The following NLGN4X variants were observed in gnomAD, a reference collection of about 807,000 sequenced individuals.
The protein encoded by NLGN4X is neuroligin-4, X-linked.
In NLGN4X, 3 loss-of-function variants were observed where a neutral mutation model predicts 40.3. That is an observed-to-expected ratio of 0.07 (90% CI 0.03 to 0.19). The LOEUF (loss-of-function observed/expected upper bound fraction) is 0.19. Ranked by LOEUF, NLGN4X falls within the 10% of genes least tolerant of loss-of-function variation. The pLI, the probability that NLGN4X is intolerant of heterozygous loss-of-function variation, is 1.00. For synonymous variants in NLGN4X, 270 were observed against 306.8 expected, an observed-to-expected ratio of 0.88 and a Z score of 1.25; for missense variants, 382 against 708.3, an observed-to-expected ratio of 0.54 and a Z score of 5.23.
intron 2 of NLGN4X, among the ~76,000 whole-genome samples, chrX:6,083,795 G>A (rs2038430368): frequency 8.9e-6 from 1 of 112,195 alleles, no homozygotes; most frequent in Non-Finnish European, 1.9e-5. Context: ...TTTAGAGGAA[G>A]AGCATCTCTT....
At chrX:6,181,953 G>A (rs745474663) in intron 1 of NLGN4X, among the ~76,000 whole-genome samples, 1 of 111,749 alleles carries the variant, frequency 8.9e-6, no homozygotes. Flanking sequence ...TGATTATAGA[G>A]GGGGAGCAGG....
intron 2 of NLGN4X, among the ~76,000 whole-genome samples, chrX:6,150,245 GACATAAA>G (rs1033602368): frequency 1.8e-5 from 2 of 111,985 alleles, no homozygotes; most frequent in African/African-American, 6.5e-5. Flanking sequence ...AATCTATACA[GACATAAA>G]ACTATTCATG....
chrX:6,123,505 C>A (rs903015743), intron 2 of NLGN4X, among the ~76,000 whole-genome samples: 1 of 111,393 alleles, frequency 9.0e-6, no homozygotes, highest in Non-Finnish European at 1.9e-5. Flanking sequence ...TCCGAAGAAA[C>A]AATGATCTAA....
intron 1 of NLGN4X, among the ~76,000 whole-genome samples, chrX:6,161,641 ATAT>A (rs2040402912): frequency 9.3e-6 from 1 of 107,861 alleles, no homozygotes; most frequent in Non-Finnish European, 1.9e-5. Context: ...GATAAAAGAA[ATAT>A]TATATTTAGG....
intron 2 of NLGN4X, among the ~76,000 whole-genome samples, chrX:6,081,504 C>T (rs2038349049): frequency 8.9e-6 from 1 of 112,428 alleles, no homozygotes; most frequent in Non-Finnish European, 1.9e-5. Context: ...CTGGTAAAGG[C>T]AAAGCATCAG....
At chrX:6,092,796 T>A (rs190191781) in intron 2 of NLGN4X, among the ~76,000 whole-genome samples, 1 of 111,088 alleles carries the variant, frequency 9.0e-6, no homozygotes, top group East Asian at 2.8e-4. Flanking sequence ...CTAAAGAGAT[T>A]AGACACAGAA....
At chrX:6,173,078 C>T (rs2040643564) in intron 1 of NLGN4X, among the ~76,000 whole-genome samples, 2 of 112,288 alleles carry the variant, frequency 1.8e-5, no homozygotes, top group East Asian at 5.6e-4. Context: ...TGGGCTCTCG[C>T]CCCCACTCCA....
At chrX:6,192,463 T>C (rs1922629802) in intron 1 of NLGN4X, among the ~76,000 whole-genome samples, 1 of 111,510 alleles carries the variant, frequency 9.0e-6, no homozygotes, top group Non-Finnish European at 1.9e-5. Flanking sequence ...GTTAGGTATT[T>C]TATTACCCAT....
At chrX:5,948,689 T>C (rs2034212188) in intron 3 of NLGN4X, among the ~76,000 whole-genome samples, 1 of 112,162 alleles carries the variant, frequency 8.9e-6, no homozygotes. Flanking sequence ...TAGGTTTCTG[T>C]TGAAACAGAA....
At chrX:6,057,857 C>T (rs1229280082) in intron 2 of NLGN4X, among the ~76,000 whole-genome samples, 1 of 111,534 alleles carries the variant, frequency 9.0e-6, no homozygotes, top group Non-Finnish European at 1.9e-5. Flanking sequence ...AATGAAAATA[C>T]AATCAGGTGA....
chrX:6,076,635 A>G (rs1335793111), intron 2 of NLGN4X, among the ~76,000 whole-genome samples: 1 of 112,240 alleles, frequency 8.9e-6, no homozygotes, highest in Admixed American at 9.4e-5. Flanking sequence ...AGAGTTGTGG[A>G]CTTCCCTTCA....
chrX:6,150,183 C>A (rs746540831), intron 2 of NLGN4X, among the ~76,000 whole-genome samples: 1 of 111,678 alleles, frequency 9.0e-6, no homozygotes, highest in South Asian at 3.7e-4. Flanking sequence ...AAATGTGATA[C>A]CATTATGGCA....
intron 2 of NLGN4X, among the ~76,000 whole-genome samples, chrX:6,058,871 G>A (rs2037699887): frequency 8.9e-6 from 1 of 111,894 alleles, no homozygotes; most frequent in African/African-American, 3.2e-5. Context: ...GATTTAATAT[G>A]ATGGATGTGT....
At chrX:6,190,405 A>G (rs1922439659) in intron 1 of NLGN4X, among the ~76,000 whole-genome samples, 1 of 112,298 alleles carries the variant, frequency 8.9e-6, no homozygotes. Flanking sequence ...CAACATTCAA[A>G]TTGATAAGAA....
At chrX:5,948,612 T>G (rs956540561) in intron 3 of NLGN4X, among the ~76,000 whole-genome samples, 2 of 111,892 alleles carry the variant, frequency 1.8e-5, no homozygotes, top group Admixed American at 1.9e-4. Context: ...GCCTCCAATT[T>G]TCTTCCCTTG....
chrX:6,223,422 G>A (rs1338727087), intron 1 of NLGN4X, among the ~76,000 whole-genome samples: 7 of 111,820 alleles, frequency 6.3e-5, no homozygotes. Context: ...CTTATTTTTT[G>A]TTTAATGTAA....
At chrX:5,980,494 TG>T (rs2035353869) in intron 3 of NLGN4X, among the ~76,000 whole-genome samples, 1 of 108,265 alleles carries the variant, frequency 9.2e-6, no homozygotes, top group African/African-American at 3.4e-5. Flanking sequence ...TTTTTTCTCC[TG>T]GAAGTTTTAC....
chrX:6,212,666 C>T (rs140781549), intron 1 of NLGN4X, among the ~76,000 whole-genome samples: 15 of 112,149 alleles, frequency 1.3e-4, no homozygotes, highest in African/African-American at 2.3e-4. Context: ...TATTCAAGGA[C>T]GCTGTAATGT....
intron 1 of NLGN4X, among the ~76,000 whole-genome samples, chrX:6,183,864 C>T (rs142674522): frequency 0.029 from 3,248 of 111,822 alleles, 124 homozygotes; most frequent in African/African-American, 0.098. Context: ...TTTAAAAACA[C>T]CTGAAAACAC....
Sources: allele counts gnomAD v4.1 joint callset (sites outside exome capture counted in the v4.1 genomes callset), GRCh38; gene constraint gnomAD v4.1.1; transcripts MANE v1.5; gene names NCBI Gene and HGNC (gene_info 2026-07-23, HGNC 2026-07-21).